RSBN1: variants seen among roughly 807,000 people sequenced by gnomAD.
The protein encoded by RSBN1 is lysine-specific demethylase 9.
RSBN1 carries 23 observed loss-of-function variants against 74.8 expected under a neutral mutation model. That is an observed-to-expected ratio of 0.31 (90% CI 0.22 to 0.44). RSBN1 has a LOEUF of 0.44. Among genes scored for constraint, RSBN1 ranks in the 20% least tolerant of loss-of-function variants. RSBN1 has a pLI of 1.00. For missense variants in RSBN1, 808 were observed against 1,020.9 expected, an observed-to-expected ratio of 0.79 and a Z score of 2.84; for synonymous variants, 407 against 379.6, an observed-to-expected ratio of 1.07 and a Z score of -0.84.
At chr1:113,808,619 C>G (rs1469317206) in intron 1 of RSBN1, among the ~76,000 whole-genome samples, 1 of 152,154 alleles carries the variant, frequency 6.6e-6, no homozygotes, top group African/African-American at 2.4e-5. Flanking sequence ...AATAGGTGAA[C>G]CATGGTACAT....
intron 2 of RSBN1, among the ~76,000 whole-genome samples, chr1:113,793,082 C>T (rs1643891403): frequency 6.6e-6 from 1 of 152,152 alleles, no homozygotes; most frequent in Non-Finnish European, 1.5e-5. Flanking sequence ...TGCACAAAAT[C>T]TACATTTTAC....
chr1:113,779,193 G>T (rs987648426), intron 2 of RSBN1, among the ~76,000 whole-genome samples: 3 of 151,950 alleles, frequency 2.0e-5, no homozygotes, highest in Non-Finnish European at 4.4e-5. Context: ...AAAATTTAAA[G>T]AATCTACTGT....
At position 113,811,943 on chromosome 1, in the gene RSBN1, G is replaced by C; in HGVS notation, c.470C>G (p.Ala157Gly). The C allele has an allele frequency of 6.3e-7, 1 of 1,591,780 alleles. No homozygotes were observed. The highest frequency in any genetic ancestry group is 1.3e-5 in the African/African-American group (1 of 74,508). The part of the protein sequence containing the change: ...PPPSLAPAGP[A>G]VAAPLPAPST... ...TGGGGCCGGGAGAGGGGCAGCGACA[G>C]CGGGCCCGGCGGGTGCCAGCGAAGG... Residue 157 changes from alanine (A) to glycine (G), a missense_variant, in exon 1 of 7, where the codon GCT becomes GGT. Physicochemically the swap from Ala to Gly is moderately conservative, Grantham distance 60. Transcript: ENST00000261441.
intron 1 of RSBN1, among the ~76,000 whole-genome samples, chr1:113,804,070 A>G (rs1571311218): frequency 6.6e-6 from 1 of 152,088 alleles, no homozygotes; most frequent in African/African-American, 2.4e-5. Flanking sequence ...TCGAGGTTAC[A>G]GTGAGCTATA....
In RSBN1 at chr1:113,764,362, T is replaced by C. The variant is rs1659740635; in HGVS notation, c.*1618A>G. The C allele has an allele frequency of 1.3e-5, 2 of 152,702 alleles. No homozygotes were observed. Among genetic ancestry groups the C allele is most frequent in the South Asian group, 4.1e-4 (2 of 4,832 alleles). 9.5% of individuals were successfully genotyped at this position (152,702 alleles called of 1,614,324 possible). A position where few individuals can be genotyped will look rare whatever the true frequency, so the allele number is the denominator to read the frequency against. ...CTTTGTAACAGAGAATACATACATATACATATATATAAGGAATAATACAGA... is the reference window on the plus strand; with the variant it reads ...CTTTGTAACAGAGAATACATACATACACATATATATAAGGAATAATACAGA... On this transcript the variant is annotated 3_prime_UTR_variant, in exon 7 of 7. Coordinates refer to ENST00000261441, the MANE Select transcript of RSBN1 (RefSeq NM_018364.5).
chr1:113,809,321 T>A (rs1163757566), intron 1 of RSBN1, among the ~76,000 whole-genome samples: 2 of 152,312 alleles, frequency 1.3e-5, no homozygotes, highest in East Asian at 3.9e-4. Flanking sequence ...ACAGGAAAAG[T>A]GCAGTTGAGA....
At chr1:113,800,983 A>T (rs1558003832) in intron 1 of RSBN1, among the ~76,000 whole-genome samples, 1 of 145,808 alleles carries the variant, frequency 6.9e-6, no homozygotes, top group African/African-American at 2.5e-5. Flanking sequence ...CTGTTTTTCA[A>T]TTTTTTTTTT....
At chr1:113,795,065 T>C (rs1355853261) in intron 2 of RSBN1, among the ~76,000 whole-genome samples, 5 of 152,230 alleles carry the variant, frequency 3.3e-5, no homozygotes, top group Admixed American at 3.3e-4. Context: ...ATTTGTTTAA[T>C]TCCCAACGAT....
intron 2 of RSBN1, among the ~76,000 whole-genome samples, chr1:113,783,053 T>C (rs1344463269): frequency 6.6e-6 from 1 of 152,174 alleles, no homozygotes; most frequent in Non-Finnish European, 1.5e-5. Flanking sequence ...GAAAATACTA[T>C]CTGGTCCTTA....
In RSBN1 at chr1:113,812,353, G is replaced by A; in HGVS notation, c.60C>T (p.Cys20=). The stretch of plus-strand genomic sequence containing the variant: ...GCGCCGCCCGCGCACTGCCCGCTGG[G>A]CATTGGAGTCTCTCCTCCGCCCTCC... ...DKWRAEERLQ[C]PAGSARAALA... The change falls in exon 1 of 7, where the codon TGC becomes TGT. Residue 20 remains cysteine (C), a synonymous_variant. Coordinates refer to ENST00000261441, the MANE Select transcript of RSBN1 (RefSeq NM_018364.5). The A allele has an allele frequency of 6.2e-7, 1 of 1,603,592 alleles. No individual in the cohort carries two copies.
intron 4 of RSBN1, among the ~76,000 whole-genome samples, chr1:113,774,150 G>C (rs1470739239): frequency 1.3e-5 from 2 of 152,104 alleles, no homozygotes; most frequent in African/African-American, 2.4e-5. Flanking sequence ...TAGCTGATTT[G>C]CTGATTTCTA....
In RSBN1 at chr1:113,777,227, T is replaced by C; in HGVS notation, c.1641A>G (p.Ser547=). ...ATATTTACCGTCGTCTTTTGAAGGG[T>C]GACTTTGGCATATCTGCTGTAGGGA... ...QMIPTADMPK[S]PFKRRRSMNE... Residue 547 remains serine (S), a synonymous_variant, in exon 4 of 7, where the codon TCA becomes TCG. Coordinates refer to ENST00000261441, the MANE Select transcript of RSBN1 (RefSeq NM_018364.5). 6.2e-7 allele frequency: 1 copy of C among 1,607,788 alleles called. No homozygotes were observed. The highest frequency in any genetic ancestry group is 8.5e-7 in the Non-Finnish European group (1 of 1,176,966).
chr1:113,798,145 T>G, intron 1 of RSBN1, 109 bp from the exon 2 acceptor site: 1 of 929,572 alleles, frequency 1.1e-6, no homozygotes, highest in Non-Finnish European at 1.6e-6. Context: ...TCTCTGAATT[T>G]GCTATTACAA....
rs1010143650 is a variant in RSBN1 at position 113,764,850 on chromosome 1, T to C, written c.*1130A>G. The C allele has an allele frequency of 4.0e-5, 6 of 150,780 alleles. No homozygotes were observed. The highest frequency in any genetic ancestry group is 1.2e-4 in the African/African-American group (5 of 41,328). The allele number at this position is 150,780 out of a possible 1,614,324, so 9.3% of individuals were successfully genotyped here. A position where few individuals can be genotyped will look rare whatever the true frequency, so the allele number is the denominator to read the frequency against. On this transcript the variant is annotated 3_prime_UTR_variant, in exon 7 of 7. Transcript: ENST00000261441. ...CAGAAAGTTAGGACCATACTAGCAATGTGAACTGTGCCTGTTTGAAAAGAA... is the reference window on the plus strand; with the variant it reads ...CAGAAAGTTAGGACCATACTAGCAACGTGAACTGTGCCTGTTTGAAAAGAA...
intron 4 of RSBN1, 66 bp downstream of exon 4, chr1:113,777,144 C>T (rs1267950232): frequency 9.6e-6 from 14 of 1,462,172 alleles, no homozygotes; most frequent in Non-Finnish European, 1.3e-5. Context: ...TCAAACTGTG[C>T]TCATTTTTAT....
chr1:113,771,852 G>A (rs112376685), intron 4 of RSBN1, among the ~76,000 whole-genome samples: 4 of 144,626 alleles, frequency 2.8e-5, no homozygotes, highest in African/African-American at 7.5e-5. Flanking sequence ...AGAAACTGCA[G>A]GAAAAACAGA....
intron 2 of RSBN1, among the ~76,000 whole-genome samples, chr1:113,779,893 T>G (rs559929645): frequency 6.6e-6 from 1 of 152,098 alleles, no homozygotes; most frequent in South Asian, 2.1e-4. Flanking sequence ...CGGTGGTGCA[T>G]GCCTGTAGTC....
chr1:113,769,409 G>GA (rs1659847527), intron 4 of RSBN1, among the ~76,000 whole-genome samples: 1 of 152,010 alleles, frequency 6.6e-6, no homozygotes. Flanking sequence ...ACATTAAAAT[G>GA]AAAGTAAAAG....
In RSBN1 at chr1:113,797,895, C is replaced by G. The variant is rs374878697; in HGVS notation, c.845G>C (p.Cys282Ser). The change falls in exon 2 of 7, where the codon TGT (cysteine) becomes TCT (serine). Residue 282 changes from cysteine (C) to serine (S), a missense_variant. By Grantham distance (112) the Cys-to-Ser change is moderately radical. Transcript: ENST00000261441. ...TTTACTGATGCGGGTCAGGCCAGCA[C>G]AGACGGTTTGTACTTCCTTATTGTA... ...KMYNKEVQTVCAGLTRISKEI... is the reference protein window; with the variant it reads ...KMYNKEVQTVSAGLTRISKEI... 3.1e-6 allele frequency: 5 copies of G among 1,613,634 alleles called. No homozygotes were observed. The highest frequency in any genetic ancestry group is 2.7e-5 in the African/African-American group (2 of 74,778).
Sources: allele counts gnomAD v4.1 joint callset (sites outside exome capture counted in the v4.1 genomes callset), GRCh38; gene constraint gnomAD v4.1.1; transcripts MANE v1.5; gene names NCBI Gene and HGNC (gene_info 2026-07-23, HGNC 2026-07-21).